Variants in TNRC18 observed in about 807,000 individuals in gnomAD.
TNRC18 encodes trinucleotide repeat-containing gene 18 protein.
A neutral mutation model predicts 226.7 loss-of-function variants in TNRC18; 69 were observed. That is an observed-to-expected ratio of 0.30 (90% confidence interval 0.25 to 0.37). TNRC18 has a LOEUF of 0.37. Among genes scored for constraint, TNRC18 ranks in the 10% least tolerant of loss-of-function variants. The probability of loss-of-function intolerance (pLI) is 1.00; values close to 1 mark genes in which losing one functional copy is unlikely to be tolerated. For synonymous variants in TNRC18, 2,449 were observed against 1,927.6 expected (o/e 1.27, Z -7.09); for missense variants, 4,754 against 4,256.6 (o/e 1.12, Z -3.25).
At chr7:5,355,682 C>A (rs1156951168) in intron 16 of TNRC18, among the ~76,000 whole-genome samples, 1 of 152,032 alleles carries the variant, frequency 6.6e-6, no homozygotes, top group Non-Finnish European at 1.5e-5. Flanking sequence ...GCCCAGGCAC[C>A]AGCCTGGGAA....
In TNRC18 at chr7:5,388,649, G is replaced by T. The variant is rs985212561; in HGVS notation, c.1175C>A (p.Ser392Tyr). ...DERPGPIQIA[S>Y]QARDARARER... ...GCGGGCCCGGGCATCGCGCGCCTGG[G>T]ATGCGATCTGGATGGGCCCCGGGCG... Residue 392 changes from serine to tyrosine, a missense_variant, in exon 5 of 30, where the codon TCC becomes TAC. Ser to Tyr is a moderately radical substitution (Grantham distance 144). Coordinates refer to ENST00000430969, the MANE Select transcript of TNRC18 (RefSeq NM_001080495.3). 31 of 1,277,270 alleles carry T rather than the reference G, an allele frequency of 2.4e-5. No individual in the cohort carries two copies. The highest frequency in any genetic ancestry group is 3.1e-5 in the Non-Finnish European group (31 of 1,010,598). The allele number at this position is 1,277,270 out of a possible 1,614,324, so 79.1% of individuals were successfully genotyped here. A position where few individuals can be genotyped will look rare whatever the true frequency, so the allele number is the denominator to read the frequency against.
chr7:5,362,946 T>C, intron 11 of TNRC18, 121 bp from the exon 12 acceptor site: 2 of 1,039,792 alleles, frequency 1.9e-6, no homozygotes, highest in Non-Finnish European at 2.7e-6. Flanking sequence ...CCCAAGGTGC[T>C]GAGTAGACAG....
intron 18 of TNRC18, among the ~76,000 whole-genome samples, chr7:5,334,796 G>C (rs1305877712): frequency 2.0e-5 from 3 of 152,086 alleles, no homozygotes; most frequent in African/African-American, 7.2e-5. Context: ...GGTGCAGGGA[G>C]GGACAGTAGA....
intron 24 of TNRC18, among the ~76,000 whole-genome samples, chr7:5,319,512 CTTT>C: frequency 6.6e-6 from 1 of 152,162 alleles, no homozygotes; most frequent in East Asian, 1.9e-4. Context: ...AGCCTCCATT[CTTT>C]TTTCTTTTTT....
intron 16 of TNRC18, among the ~76,000 whole-genome samples, chr7:5,354,287 C>T (rs1214618596): frequency 2.6e-5 from 4 of 152,026 alleles, no homozygotes; most frequent in African/African-American, 4.8e-5. Context: ...CACACCAGCT[C>T]GGAGCACCCC....
Position 5,376,045 on chromosome 7 carries a change from C to T in TNRC18, c.2788G>A (p.Ala930Thr), listed in dbSNP as rs1054776166. 1.0e-5 allele frequency: 16 copies of T among 1,593,674 alleles called. No individual in the cohort carries two copies. The highest frequency in any genetic ancestry group is 2.3e-5 in the East Asian group (1 of 43,826). ...AAQALELQRSAQLVQERLKAQ... is the reference protein window; with the variant it reads ...AAQALELQRSTQLVQERLKAQ... ...CCTCCCCGACTTACCACGAGCTGGG[C>T]GCTCCTCTGCAGTTCCAAGGCCTGG... Residue 930 changes from alanine to threonine, a missense_variant, in exon 9 of 30, where the codon GCC becomes ACC. By Grantham distance (58) the Ala-to-Thr change is moderately conservative (BLOSUM62 0). Transcript: ENST00000430969.
Position 5,359,468 on chromosome 7 carries a change from C to T in TNRC18, c.4763G>A (p.Gly1588Glu), listed in dbSNP as rs758764349. 4 of 1,613,940 alleles carry T rather than the reference C, an allele frequency of 2.5e-6. No homozygotes were observed. In the South Asian group the frequency reaches 4.4e-5, roughly 18 times the overall value. Residue 1588 changes from glycine (G) to glutamate (E), a missense_variant, in exon 15 of 30, where the codon GGA becomes GAA. Gly to Glu is a moderately conservative substitution (Grantham distance 98). Coordinates refer to ENST00000430969, the MANE Select transcript of TNRC18 (RefSeq NM_001080495.3). ...GSEEEHDALI[G>E]MGKARGRNQT... The stretch of plus-strand genomic sequence containing the variant: ...GTTCCTCCCCCTGGCTTTCCCCATT[C>T]CGATGAGGGCATCATGTTCCTCCTC...
At chr7:5,318,317 T>C (rs1788048168) in intron 24 of TNRC18, among the ~76,000 whole-genome samples, 1 of 152,022 alleles carries the variant, frequency 6.6e-6, no homozygotes, top group Non-Finnish European at 1.5e-5. Flanking sequence ...CCGCAGCTGG[T>C]GGACAATTTT....
intron 2 of TNRC18, among the ~76,000 whole-genome samples, chr7:5,404,703 A>G (rs912671493): frequency 3.3e-5 from 5 of 151,948 alleles, no homozygotes; most frequent in Non-Finnish European, 5.9e-5. Context: ...TGCAGCCAAA[A>G]TGATCTGCAG....
Position 5,315,138 on chromosome 7 carries a change from C to G in TNRC18, c.6873G>C (p.Pro2291=). The G allele has an allele frequency of 1.9e-6, 3 of 1,611,974 alleles. No homozygotes were observed. Among genetic ancestry groups the G allele is most frequent in the Non-Finnish European group, 2.5e-6 (3 of 1,179,442 alleles). Residue 2291 remains proline (P), a synonymous_variant, in exon 26 of 30, where the codon CCG becomes CCC. Coordinates refer to ENST00000430969, the MANE Select transcript of TNRC18 (RefSeq NM_001080495.3). The part of the protein sequence containing the change: ...PPDYKIQCAE[P]SPALLVPSAK... ...CACTTGGCACCAGAAGGGCCGGGGA[C>G]GGCTCAGCACCTGTGGGGCAGAGGA...
chr7:5,333,184 G>A lies in TNRC18; in HGVS notation c.5720-135C>T, dbSNP rs1789737032. 5.8e-6 allele frequency: 6 copies of A among 1,036,146 alleles called. No individual in the cohort carries two copies. In the Admixed American group the frequency reaches 6.4e-5, roughly 11 times the overall value. 64.2% of individuals were successfully genotyped at this position (1,036,146 alleles called of 1,614,324 possible). On this transcript the variant is annotated intron_variant, in intron 18 of 29. Coordinates refer to ENST00000430969, the MANE Select transcript of TNRC18 (RefSeq NM_001080495.3). The stretch of plus-strand genomic sequence containing the variant: ...GCGCTTCTGCCCGTTTCCAGGAGAG[G>A]AAACTGAGGCCCAGAGGAGAAAGAC...
intron 10 of TNRC18, among the ~76,000 whole-genome samples, chr7:5,373,854 C>T (rs1179752913): frequency 6.6e-6 from 1 of 152,056 alleles, no homozygotes; most frequent in East Asian, 1.9e-4. Flanking sequence ...GACACTGCCG[C>T]TGAGGAGGGG....
chr7:5,337,982 C>CA (rs1384536592), intron 18 of TNRC18, among the ~76,000 whole-genome samples: 1 of 151,846 alleles, frequency 6.6e-6, no homozygotes, highest in Non-Finnish European at 1.5e-5. Context: ...GACTCCATCT[C>CA]AAAAAACAAA....
intron 18 of TNRC18, among the ~76,000 whole-genome samples, chr7:5,342,514 C>G (rs1228568011): frequency 6.6e-6 from 1 of 152,000 alleles, no homozygotes; most frequent in East Asian, 1.9e-4. Context: ...GAGGAAGTTA[C>G]TGCAGACGTG....
At chr7:5,409,899 G>A (rs1267401107) in intron 2 of TNRC18, among the ~76,000 whole-genome samples, 2 of 150,850 alleles carry the variant, frequency 1.3e-5, no homozygotes, top group Admixed American at 1.3e-4. Flanking sequence ...GCTGAGGCAG[G>A]AGAATGACAT....
intron 2 of TNRC18, among the ~76,000 whole-genome samples, chr7:5,402,868 A>G: frequency 6.6e-6 from 1 of 150,862 alleles, no homozygotes; most frequent in East Asian, 1.9e-4. Context: ...AAAAAAATAT[A>G]TTTATGGTGT....
chr7:5,377,476 C>A lies in TNRC18; in HGVS notation c.2356G>T (p.Ala786Ser). 2 of 1,581,864 alleles carry A rather than the reference C, an allele frequency of 1.3e-6. No individual in the cohort carries two copies. Among genetic ancestry groups the A allele is most frequent in the Non-Finnish European group, 1.7e-6 (2 of 1,165,144 alleles). The change falls in exon 7 of 30, where the codon GCG becomes TCG. Residue 786 changes from alanine to serine, a missense_variant. By Grantham distance (99) the Ala-to-Ser change is moderately conservative (BLOSUM62 1). Transcript: ENST00000430969. The surrounding 1 kb of genome is among the most constrained non-coding windows in gnomAD (Gnocchi z 5.8). Reference sequence around the variant, plus strand: ...TCGGCAGACCAGCGACCTGAGCCCGCCAGCGCCGGGCCCCCCGTCACCATG... The same window carrying A: ...TCGGCAGACCAGCGACCTGAGCCCGACAGCGCCGGGCCCCCCGTCACCATG... ...NLMVTGGPALAGSGRWSADPA... is the reference protein window; with the variant it reads ...NLMVTGGPALSGSGRWSADPA...
intron 19 of TNRC18, among the ~76,000 whole-genome samples, chr7:5,330,808 G>A (rs1013319336): frequency 2.0e-5 from 3 of 152,048 alleles, no homozygotes; most frequent in African/African-American, 7.2e-5. Context: ...TGAGTAGCTG[G>A]GATTACAGGC....
At chr7:5,344,172 T>TCTGAGAGTAC (rs1454902852) in intron 18 of TNRC18, among the ~76,000 whole-genome samples, 1 of 152,196 alleles carries the variant, frequency 6.6e-6, no homozygotes, top group East Asian at 1.9e-4. Context: ...AGTGTAAATG[T>TCTGAGAGTAC]CTGAGAGTAC....
Sources: allele counts gnomAD v4.1 joint callset (sites outside exome capture counted in the v4.1 genomes callset), GRCh38; gene constraint gnomAD v4.1.1; non-coding constraint Gnocchi (gnomAD v3.1); transcripts MANE v1.5; gene names NCBI Gene and HGNC (gene_info 2026-07-23, HGNC 2026-07-21).